Variants in LRRC4C observed in about 807,000 individuals in gnomAD.
The protein encoded by LRRC4C is leucine-rich repeat-containing protein 4C.
LRRC4C carries 5 observed loss-of-function variants against 33.6 expected under a neutral mutation model. The ratio of observed to expected loss-of-function variants is 0.15; its 90% CI spans 0.08 to 0.31. The LOEUF is 0.31. LRRC4C is among the 10% of genes least tolerant of loss of function. LRRC4C has a pLI of 1.00. For synonymous variants in LRRC4C, 329 were observed against 302.0 expected (o/e 1.09, Z -0.93); for missense variants, 560 against 796.7 (o/e 0.70, Z 3.58).
rs1185607555 is a variant in LRRC4C, at chr11:40,778,135, T to A, written c.-406-129857A>T. 3.3e-5 allele frequency among the ~76,000 whole-genome samples: 5 copies of A among 152,342 alleles called. No homozygotes were observed. In the East Asian group the frequency reaches 9.7e-4, roughly 29 times the overall value. ...TAGCTGCTTTGTAGTTTCTGTTGTA[T>A]AGTTGTTTTATATGGTCTGTTGACT... On this transcript the variant is annotated intron_variant, in intron 2 of 6. Transcript: ENST00000528697.
At chr11:40,154,287 C>CAAAAAAAAAAAAAAAAAAAA (rs60017606) in intron 5 of LRRC4C, among the ~76,000 whole-genome samples, 1 of 114,206 alleles carries the variant, frequency 8.8e-6, no homozygotes, top group African/African-American at 3.2e-5. Context: ...AGCTAAAAAG[C>CAAAAAAAAAAAAAAAAAAAA]AAAAAAAAAA....
chr11:40,866,917 A>G (rs1954395778), intron 2 of LRRC4C, among the ~76,000 whole-genome samples: 2 of 151,924 alleles, frequency 1.3e-5, no homozygotes, highest in South Asian at 4.2e-4. Context: ...CTCAACTCTG[A>G]TTCTTTTCCA....
chr11:41,015,930 C>T (rs1855551767), intron 1 of LRRC4C, among the ~76,000 whole-genome samples: 1 of 152,068 alleles, frequency 6.6e-6, no homozygotes, highest in East Asian at 1.9e-4. Context: ...GCGGAGCTTG[C>T]AGTGAGCCGA....
At chr11:40,776,413 A>T (rs1050706757) in intron 2 of LRRC4C, among the ~76,000 whole-genome samples, 1 of 151,692 alleles carries the variant, frequency 6.6e-6, no homozygotes, top group Non-Finnish European at 1.5e-5. Flanking sequence ...TTTGAGCTCA[A>T]TATTGGTGTG....
intron 2 of LRRC4C, among the ~76,000 whole-genome samples, chr11:40,898,450 G>GC (rs1200448500): frequency 4.0e-5 from 6 of 151,526 alleles, no homozygotes; most frequent in Admixed American, 6.6e-5. Context: ...GACCAGTTGT[G>GC]CCTGAGATTG....
intron 1 of LRRC4C, among the ~76,000 whole-genome samples, chr11:41,263,714 A>C (rs1309658255): frequency 6.6e-6 from 1 of 152,152 alleles, no homozygotes; most frequent in Non-Finnish European, 1.5e-5. Context: ...TTCGGGTAAC[A>C]GTCAACTTAT....
chr11:41,012,760 C>G (rs1855299350), intron 1 of LRRC4C, among the ~76,000 whole-genome samples: 1 of 151,996 alleles, frequency 6.6e-6, no homozygotes, highest in Non-Finnish European at 1.5e-5. Context: ...TTCCTTGTCT[C>G]TTTTTTTATA....
intron 2 of LRRC4C, among the ~76,000 whole-genome samples, chr11:40,663,166 C>T (rs1253525319): frequency 3.9e-5 from 6 of 152,150 alleles, no homozygotes; most frequent in South Asian, 2.1e-4. Context: ...CTGCAACCTC[C>T]GCCTCCCAGG....
intron 1 of LRRC4C, among the ~76,000 whole-genome samples, chr11:41,382,856 G>A (rs1024110982): frequency 3.3e-5 from 5 of 152,040 alleles, no homozygotes; most frequent in African/African-American, 1.2e-4. Context: ...TTCAAAACAG[G>A]GAAGGACAAG....
chr11:41,303,001 T>A (rs1158920973), intron 1 of LRRC4C, among the ~76,000 whole-genome samples: 1 of 152,176 alleles, frequency 6.6e-6, no homozygotes, highest in East Asian at 1.9e-4. Context: ...ATACTGGTCC[T>A]GTCTTTATTA....
At chr11:40,780,220 C>T (rs764807701) in intron 2 of LRRC4C, among the ~76,000 whole-genome samples, 1 of 151,906 alleles carries the variant, frequency 6.6e-6, no homozygotes, top group Non-Finnish European at 1.5e-5. Context: ...TTTTAATGCC[C>T]TGGTAAATTC....
intron 3 of LRRC4C, among the ~76,000 whole-genome samples, chr11:40,542,052 C>CTCTTTCTTTCTT (rs77820700): frequency 0.34 from 50,865 of 149,134 alleles, 10,142 homozygotes; most frequent in East Asian, 0.63. Flanking sequence ...TTCTCTTTCT[C>CTCTTTCTTTCTT]TCTTTCTTTC....
chr11:41,036,240 G>A (rs552916771), intron 1 of LRRC4C, among the ~76,000 whole-genome samples: 2 of 152,016 alleles, frequency 1.3e-5, no homozygotes, highest in African/African-American at 4.8e-5. Context: ...TTCATTCTGG[G>A]TTTTTGACTT....
At chr11:41,160,640 T>C (rs1418193510) in intron 1 of LRRC4C, among the ~76,000 whole-genome samples, 1 of 152,142 alleles carries the variant, frequency 6.6e-6, no homozygotes, top group African/African-American at 2.4e-5. Flanking sequence ...TTTATTTAAG[T>C]AACATTCTTG....
At chr11:40,939,930 A>C (rs1260684000) in intron 1 of LRRC4C, among the ~76,000 whole-genome samples, 2 of 152,122 alleles carry the variant, frequency 1.3e-5, no homozygotes, top group Non-Finnish European at 2.9e-5. Flanking sequence ...CAAGGACAGC[A>C]CCTGCACTCC....
intron 3 of LRRC4C, among the ~76,000 whole-genome samples, chr11:40,466,475 G>T (rs1280587151): frequency 6.6e-6 from 1 of 151,728 alleles, no homozygotes; most frequent in Non-Finnish European, 1.5e-5. Flanking sequence ...ACTATGCTTG[G>T]AAAATAAAGG....
chr11:40,370,103 C>G (rs75234791), intron 3 of LRRC4C, among the ~76,000 whole-genome samples: 4,749 of 152,232 alleles, frequency 0.031, 233 homozygotes, highest in African/African-American at 0.1. Context: ...TAGAATTCCT[C>G]TATCTGAGTA....
chr11:40,339,231 A>C (rs939461209), intron 3 of LRRC4C, among the ~76,000 whole-genome samples: 1 of 152,210 alleles, frequency 6.6e-6, no homozygotes, highest in Admixed American at 6.5e-5. Context: ...GGTTGTAGTC[A>C]GGTATGCTAT....
At chr11:40,531,276 A>G (rs1956260192) in intron 3 of LRRC4C, among the ~76,000 whole-genome samples, 1 of 152,088 alleles carries the variant, frequency 6.6e-6, no homozygotes, top group Non-Finnish European at 1.5e-5. Flanking sequence ...AGTAATGCAG[A>G]ATGATCCTGC....
Sources: gnomAD v4.1 joint callset for allele counts (sites outside exome capture counted in the v4.1 genomes callset) on GRCh38, gnomAD v4.1.1 for gene constraint, MANE v1.5 for transcripts, NCBI Gene and HGNC (gene_info 2026-07-23, HGNC 2026-07-21) for gene names.